Variants in QTMAN observed in about 807,000 individuals in gnomAD.
The protein encoded by QTMAN is queuosine-tRNA mannosyltransferase.
the QTMAN span, among the ~76,000 whole-genome samples, chr2:144,278,483 C>T: frequency 1.3e-5 from 2 of 151,714 alleles, no homozygotes; most frequent in Non-Finnish European, 2.9e-5. Flanking sequence ...GGGCCAAGAG[C>T]TTTACATGTA....
At chr2:144,028,605 T>G in the QTMAN span, among the ~76,000 whole-genome samples, 1 of 152,124 alleles carries the variant, frequency 6.6e-6, no homozygotes, top group Non-Finnish European at 1.5e-5. Flanking sequence ...GAGACCACGC[T>G]TCCACCGATG....
chr2:144,096,911 T>G, the QTMAN span, among the ~76,000 whole-genome samples: 1 of 152,240 alleles, frequency 6.6e-6, no homozygotes, highest in Non-Finnish European at 1.5e-5. Context: ...AATGAAGTGA[T>G]GTGCAGAGAA....
chr2:144,184,217 C>T, the QTMAN span, among the ~76,000 whole-genome samples: 3 of 152,028 alleles, frequency 2.0e-5, no homozygotes, highest in African/African-American at 7.2e-5. Flanking sequence ...GTCAAACATG[C>T]ACTATACTGA....
At chr2:144,298,298 G>A in the QTMAN span, among the ~76,000 whole-genome samples, 4 of 152,154 alleles carry the variant, frequency 2.6e-5, no homozygotes, top group Non-Finnish European at 4.4e-5. Flanking sequence ...ATTTACAGGC[G>A]TGAGCCACCG....
chr2:144,188,208 T>G, the QTMAN span, among the ~76,000 whole-genome samples: 1 of 151,830 alleles, frequency 6.6e-6, no homozygotes, highest in Non-Finnish European at 1.5e-5. Context: ...GCCAGGCAAA[T>G]AAAAAAATTA....
At chr2:144,127,424 T>C in the QTMAN span, among the ~76,000 whole-genome samples, 5 of 151,996 alleles carry the variant, frequency 3.3e-5, no homozygotes, top group South Asian at 2.1e-4. Context: ...AGGACTTACA[T>C]TGTAAAAAGT....
the QTMAN span, among the ~76,000 whole-genome samples, chr2:144,035,219 T>C: frequency 2.0e-5 from 3 of 152,178 alleles, no homozygotes; most frequent in African/African-American, 7.2e-5. Flanking sequence ...ATGTGCCTGC[T>C]TCCCCTTCTA....
At chr2:144,069,711 T>C in the QTMAN span, among the ~76,000 whole-genome samples, 1 of 152,100 alleles carries the variant, frequency 6.6e-6, no homozygotes, top group Non-Finnish European at 1.5e-5. Context: ...GCTCCAAATA[T>C]TTCATGCTTT....
chr2:143,969,590 A>T, the QTMAN span, among the ~76,000 whole-genome samples: 1 of 152,204 alleles, frequency 6.6e-6, no homozygotes, highest in Non-Finnish European at 1.5e-5. Flanking sequence ...ACACATAGAT[A>T]AATTAAAAAC....
chr2:144,219,685 G>A, the QTMAN span, among the ~76,000 whole-genome samples: 1 of 152,092 alleles, frequency 6.6e-6, no homozygotes, highest in Non-Finnish European at 1.5e-5. Context: ...AGCTGGGTGT[G>A]GTGGCACATG....
the QTMAN span, among the ~76,000 whole-genome samples, chr2:143,947,650 TA>T: frequency 6.6e-6 from 1 of 152,134 alleles, no homozygotes; most frequent in African/African-American, 2.4e-5. Flanking sequence ...CATTGATATT[TA>T]AAAAAATATT....
chr2:144,089,059 T>C, the QTMAN span, among the ~76,000 whole-genome samples: 102 of 152,066 alleles, frequency 6.7e-4, no homozygotes, highest in African/African-American at 2.4e-3. Flanking sequence ...CTGCAACCTA[T>C]TCATCTGACA....
chr2:144,013,539 CA>C, the QTMAN span, among the ~76,000 whole-genome samples: 2 of 151,958 alleles, frequency 1.3e-5, no homozygotes, highest in African/African-American at 4.8e-5. Context: ...TATCAGTAGA[CA>C]AAAGGACGTC....
the QTMAN span, among the ~76,000 whole-genome samples, chr2:144,089,672 C>G: frequency 6.6e-6 from 1 of 151,666 alleles, no homozygotes; most frequent in Non-Finnish European, 1.5e-5. Flanking sequence ...TCTCCAGGCA[C>G]AAAAAGACAA....
chr2:144,308,561 T>C, the QTMAN span, among the ~76,000 whole-genome samples: 4 of 152,100 alleles, frequency 2.6e-5, no homozygotes, highest in Non-Finnish European at 5.9e-5. Context: ...CCGCACACTA[T>C]ATATAAAAAT....
At chr2:144,302,060 A>G in the QTMAN span, among the ~76,000 whole-genome samples, 1 of 152,108 alleles carries the variant, frequency 6.6e-6, no homozygotes, top group Admixed American at 6.6e-5. Context: ...ACACCTAGCT[A>G]TAAGCCTCTG....
the QTMAN span, among the ~76,000 whole-genome samples, chr2:143,975,845 G>C: frequency 6.6e-6 from 1 of 152,152 alleles, no homozygotes; most frequent in Non-Finnish European, 1.5e-5. Flanking sequence ...AAATATAGTT[G>C]GGTTGGGTTT....
Sources: gnomAD v4.1 joint callset for allele counts (sites outside exome capture counted in the v4.1 genomes callset) on GRCh38, gnomAD v4.1.1 for gene constraint, MANE v1.5 for transcripts, NCBI Gene and HGNC (gene_info 2026-07-23, HGNC 2026-07-21) for gene names.